The following PCDHGA10 variants were observed in gnomAD, a reference collection of about 807,000 sequenced individuals.
PCDHGA10 encodes protocadherin gamma-A10.
Under a neutral mutation model 59.5 loss-of-function variants are expected in PCDHGA10, and 42 were observed. The ratio of observed to expected loss-of-function variants is 0.71; its 90% confidence interval spans 0.55 to 0.91. The LOEUF is 0.91. PCDHGA10 is among the 40% of genes least tolerant of loss of function. The probability of loss-of-function intolerance (pLI) is 0.00; values close to 1 mark genes in which losing one functional copy is unlikely to be tolerated. For missense variants in PCDHGA10, 1,111 were observed against 1,198.2 expected, an observed-to-expected ratio of 0.93 and a Z score of 1.07; for synonymous variants, 511 against 517.2, an observed-to-expected ratio of 0.99 and a Z score of 0.16.
At chr5:141,436,324 G>A (rs972756085) in intron 1 of PCDHGA10, among the ~76,000 whole-genome samples, 10 of 152,134 alleles carry the variant, frequency 6.6e-5, no homozygotes, top group African/African-American at 2.4e-4. Flanking sequence ...AAGACTGTTA[G>A]ACCATATCTC....
rs558609501 is a variant in PCDHGA10, at chr5:141,487,648, G to C, written c.2437-7159G>C. On this transcript the variant is annotated intron_variant, in intron 1 of 3. Coordinates refer to ENST00000398610, the MANE Select transcript of PCDHGA10 (RefSeq NM_018913.3). This position sits in a 1 kb window ranked among gnomAD's most constrained non-coding sequence, Gnocchi z 5.0. ...CTTTGCAGGCTCAACAAATGCTTGA[G>C]GGTTATTCTGATCCAGGCATATGGC... is the stretch of plus-strand genomic sequence containing the variant. 34 of 1,613,904 alleles carry C rather than the reference G, an allele frequency of 2.1e-5. 1 individual carries two copies. The South Asian group carries it at 3.6e-4, about 17-fold the overall frequency.
chr5:141,448,756 C>T (rs938202200), intron 1 of PCDHGA10, among the ~76,000 whole-genome samples: 1 of 151,742 alleles, frequency 6.6e-6, no homozygotes, highest in African/African-American at 2.4e-5. Context: ...CTGGCTAACA[C>T]GGTGAAACCC....
At chr5:141,419,433 T>A (rs1333004780) in intron 1 of PCDHGA10, 6 of 1,613,246 alleles carry the variant, frequency 3.7e-6, no homozygotes, top group Non-Finnish European at 5.1e-6. Flanking sequence ...CACGAGCAGC[T>A]GCGCACCTTC....
chr5:141,467,769 G>A (rs573567102), intron 1 of PCDHGA10, among the ~76,000 whole-genome samples: 9 of 151,590 alleles, frequency 5.9e-5, no homozygotes, highest in East Asian at 3.9e-4. Flanking sequence ...TCAAGTGCCC[G>A]CACCTCAGCC....
chr5:141,429,851 TC>T (rs1447325775), intron 1 of PCDHGA10, among the ~76,000 whole-genome samples: 2 of 152,224 alleles, frequency 1.3e-5, no homozygotes, highest in African/African-American at 4.8e-5. Context: ...TCTGTAACAT[TC>T]TTTGGACTAC....
Position 141,511,429 on chromosome 5 carries a change from G to A in PCDHGA10, c.*256G>A, listed in dbSNP as rs1414641314. 1.3e-6 allele frequency: 1 copy of A among 769,620 alleles called. No individual in the cohort carries two copies. The highest frequency in any genetic ancestry group is 2.0e-6 in the Non-Finnish European group (1 of 505,154). The allele number at this position is 769,620 out of a possible 1,614,324, so 47.7% of individuals were successfully genotyped here. On this transcript the variant is annotated 3_prime_UTR_variant, in exon 4 of 4. Transcript: ENST00000398610. The stretch of plus-strand genomic sequence containing the variant: ...CTGCTGTACCCATGGGGGTAGTGGG[G>A]TTACTGTAGACACCAAGAACCATTT...
chr5:141,415,389 T>A lies in PCDHGA10; in HGVS notation c.2214T>A (p.Gly738=), dbSNP rs1282535508. The change falls in exon 1 of 4, where the codon GGT becomes GGA. Residue 738 remains glycine (G), a synonymous_variant. Transcript: ENST00000398610. ...LLQASGGGLT[G]VSGSHFVGVD... ...AGGCTTCAGGAGGCGGCTTGACAGG[T>A]GTGTCCGGCTCGCACTTTGTGGGCG... 9.3e-6 allele frequency: 15 copies of A among 1,614,162 alleles called. No individual in the cohort carries two copies. The East Asian group carries it at 2.5e-4, about 26-fold the overall frequency.
intron 1 of PCDHGA10, among the ~76,000 whole-genome samples, chr5:141,430,390 A>G (rs1231067120): frequency 6.6e-6 from 1 of 152,216 alleles, no homozygotes; most frequent in Non-Finnish European, 1.5e-5. Flanking sequence ...TGGGAAAAAA[A>G]AAAAAAGCTC....
intron 1 of PCDHGA10, among the ~76,000 whole-genome samples, chr5:141,484,740 GA>G (rs1047805396): frequency 6.6e-6 from 1 of 150,760 alleles, no homozygotes; most frequent in Non-Finnish European, 1.5e-5. Context: ...GGTGTGTTAG[GA>G]AAAAAAATGT....
chr5:141,432,209 A>C lies in PCDHGA10; in HGVS notation c.2436+16598A>C, dbSNP rs1473794319. ...CGCCCACGACCCCGACTGTGAAGAGAACGCCCAGATCACTTATTCCCTGGC... is the reference window on the plus strand; with the variant it reads ...CGCCCACGACCCCGACTGTGAAGAGCACGCCCAGATCACTTATTCCCTGGC... On this transcript the variant is annotated intron_variant, in intron 1 of 3. Transcript: ENST00000398610. This position sits in a 1 kb window ranked among gnomAD's most constrained non-coding sequence, Gnocchi z 6.0. 2 of 1,614,098 alleles carry C rather than the reference A, an allele frequency of 1.2e-6. No homozygotes were observed. Among genetic ancestry groups the C allele is most frequent in the Non-Finnish European group, 8.5e-7 (1 of 1,180,032 alleles).
intron 1 of PCDHGA10, among the ~76,000 whole-genome samples, chr5:141,473,873 C>CA (rs1471085914): frequency 2.6e-5 from 4 of 152,130 alleles, no homozygotes; most frequent in African/African-American, 7.2e-5. Flanking sequence ...GTGGAGAATG[C>CA]ATACACAAGG....
At chr5:141,455,661 T>TG (rs2098828692) in intron 1 of PCDHGA10, among the ~76,000 whole-genome samples, 1 of 152,024 alleles carries the variant, frequency 6.6e-6, no homozygotes, top group South Asian at 2.1e-4. Context: ...CAGGAACTTG[T>TG]GGGGCAAGGG....
intron 1 of PCDHGA10, among the ~76,000 whole-genome samples, chr5:141,452,713 T>TGAGG (rs2098747318): frequency 6.7e-6 from 1 of 148,530 alleles, no homozygotes; most frequent in Non-Finnish European, 1.5e-5. Flanking sequence ...AAGGAAGGAA[T>TGAGG]GAGGGAGGGA....
chr5:141,452,641 CT>C (rs1351640847), intron 1 of PCDHGA10, among the ~76,000 whole-genome samples: 3 of 151,934 alleles, frequency 2.0e-5, no homozygotes, highest in Admixed American at 1.3e-4. Flanking sequence ...AATATATTTA[CT>C]CATTTGCTCC....
At chr5:141,482,888 A>G (rs1012212528) in intron 1 of PCDHGA10, among the ~76,000 whole-genome samples, 3 of 152,208 alleles carry the variant, frequency 2.0e-5, no homozygotes, top group African/African-American at 7.2e-5. Context: ...CCTGGCCAAC[A>G]TGGTGAAACC....
intron 1 of PCDHGA10, chr5:141,416,482 A>G (rs1009921478): frequency 6.6e-6 from 1 of 152,210 alleles, no homozygotes; most frequent in East Asian, 1.9e-4. Context: ...TGTTCCCGAG[A>G]ACAGGAGCAA....
Position 141,421,822 on chromosome 5 carries a change from G to A in PCDHGA10, c.2436+6211G>A, listed in dbSNP as rs2096603648. On this transcript the variant is annotated intron_variant, in intron 1 of 3. Transcript: ENST00000398610. ...CAAGAATCCAGAGCTAGTACTGGAG[G>A]GAAGCCTGGACCGAGAGAAAGAGGC... 3.7e-6 allele frequency: 6 copies of A among 1,613,690 alleles called. No homozygotes were observed. The East Asian group carries it at 1.1e-4, about 30-fold the overall frequency.
chr5:141,459,503 A>T (rs1346447458), intron 1 of PCDHGA10, among the ~76,000 whole-genome samples: 1 of 152,242 alleles, frequency 6.6e-6, no homozygotes, highest in Non-Finnish European at 1.5e-5. Flanking sequence ...AGTGATGTGA[A>T]CAATCATGTA....
intron 1 of PCDHGA10, among the ~76,000 whole-genome samples, chr5:141,439,224 T>C (rs989512996): frequency 2.2e-4 from 33 of 152,030 alleles, no homozygotes; most frequent in Middle Eastern, 3.4e-3. Context: ...TGAAAATTCT[T>C]AGAAGCTTCC....
Sources: gnomAD v4.1 joint callset for allele counts (sites outside exome capture counted in the v4.1 genomes callset) on GRCh38, gnomAD v4.1.1 for gene constraint, Gnocchi (gnomAD v3.1) non-coding constraint, MANE v1.5 for transcripts, NCBI Gene and HGNC (gene_info 2026-07-23, HGNC 2026-07-21) for gene names.